UBE2E2: variants seen among roughly 807,000 people sequenced by gnomAD.
UBE2E2 encodes ubiquitin conjugating enzyme E2 E2.
In UBE2E2, 6 loss-of-function variants were observed where a neutral mutation model predicts 24.7. That is an observed-to-expected ratio of 0.24 (90% CI 0.13 to 0.48). The LOEUF is 0.48. UBE2E2 is among the 20% of genes least tolerant of loss of function. The pLI is 0.99. For synonymous variants in UBE2E2, 104 were observed against 83.6 expected (o/e 1.24, Z -1.33); for missense variants, 169 against 245.0 (o/e 0.69, Z 2.07).
chr3:23,516,849 A>C (rs575438182), intron 4 of UBE2E2, among the ~76,000 whole-genome samples: 1 of 152,254 alleles, frequency 6.6e-6, no homozygotes, highest in South Asian at 2.1e-4. Context: ...CCATCCATCT[A>C]ATTGTGGGAC....
intron 3 of UBE2E2, among the ~76,000 whole-genome samples, chr3:23,408,401 A>G (rs1575610486): frequency 6.6e-6 from 1 of 152,198 alleles, no homozygotes. Context: ...AATCTGGATC[A>G]CACTGGGCAT....
intron 3 of UBE2E2, among the ~76,000 whole-genome samples, chr3:23,329,337 G>T (rs944537193): frequency 1.3e-5 from 2 of 152,100 alleles, no homozygotes; most frequent in Admixed American, 1.3e-4. Flanking sequence ...TGCTGTGGGG[G>T]ATAAAATTAT....
At chr3:23,346,785 C>T (rs376159227) in intron 3 of UBE2E2, among the ~76,000 whole-genome samples, 3 of 152,136 alleles carry the variant, frequency 2.0e-5, no homozygotes, top group East Asian at 1.9e-4. Context: ...TGGAAAAACA[C>T]ACTTTGTTGA....
At chr3:23,290,708 A>G (rs147590642) in intron 3 of UBE2E2, among the ~76,000 whole-genome samples, 9 of 152,000 alleles carry the variant, frequency 5.9e-5, no homozygotes, top group African/African-American at 1.7e-4. Context: ...TAATATATTT[A>G]TACTAACTTT....
At chr3:23,576,348 G>A (rs1295456346) in intron 5 of UBE2E2, among the ~76,000 whole-genome samples, 1 of 152,084 alleles carries the variant, frequency 6.6e-6, no homozygotes, top group African/African-American at 2.4e-5. Flanking sequence ...GAGGACAGTG[G>A]ATCATAGCCT....
At chr3:23,249,809 C>T (rs183638402) in intron 3 of UBE2E2, among the ~76,000 whole-genome samples, 1 of 152,088 alleles carries the variant, frequency 6.6e-6, no homozygotes, top group Non-Finnish European at 1.5e-5. Flanking sequence ...GCACCCGCCA[C>T]CACACCTGGC....
At chr3:23,538,327 A>G (rs528522395) in intron 5 of UBE2E2, among the ~76,000 whole-genome samples, 1 of 152,262 alleles carries the variant, frequency 6.6e-6, no homozygotes, top group Non-Finnish European at 1.5e-5. Flanking sequence ...TCTAATCAAT[A>G]CTTCCAAATA....
At chr3:23,378,236 TAAAAAAAAA>T (rs56808350) in intron 3 of UBE2E2, among the ~76,000 whole-genome samples, 18 of 118,056 alleles carry the variant, frequency 1.5e-4, no homozygotes, top group Admixed American at 3.4e-4. Context: ...AAATAAGCAG[TAAAAAAAAA>T]AAAAAAAAAA....
intron 3 of UBE2E2, among the ~76,000 whole-genome samples, chr3:23,364,602 T>C (rs1026674777): frequency 1.3e-5 from 2 of 152,022 alleles, no homozygotes; most frequent in African/African-American, 4.8e-5. Context: ...AACAGACAAA[T>C]AATGAATTAT....
At chr3:23,500,840 A>T (rs958429715) in intron 4 of UBE2E2, among the ~76,000 whole-genome samples, 3 of 152,206 alleles carry the variant, frequency 2.0e-5, no homozygotes, top group Admixed American at 6.5e-5. Context: ...CTTGTCCAGC[A>T]TTATGCATCA....
intron 3 of UBE2E2, among the ~76,000 whole-genome samples, chr3:23,418,824 T>G (rs1005072381): frequency 1.3e-5 from 2 of 152,222 alleles, no homozygotes; most frequent in African/African-American, 4.8e-5. Flanking sequence ...TCAGATTTAG[T>G]GGTATTTAAG....
At chr3:23,483,362 A>G (rs572001205) in intron 3 of UBE2E2, among the ~76,000 whole-genome samples, 1 of 152,196 alleles carries the variant, frequency 6.6e-6, no homozygotes, top group Non-Finnish European at 1.5e-5. Context: ...TAAAGAACCT[A>G]CTCTTTGCCA....
At chr3:23,457,446 A>G (rs1366497416) in intron 3 of UBE2E2, among the ~76,000 whole-genome samples, 1 of 152,188 alleles carries the variant, frequency 6.6e-6, no homozygotes. Flanking sequence ...TTAAATAGCC[A>G]CCTTCATCAG....
chr3:23,381,231 G>C (rs1242041293), intron 3 of UBE2E2, among the ~76,000 whole-genome samples: 4 of 152,126 alleles, frequency 2.6e-5, no homozygotes, highest in Non-Finnish European at 5.9e-5. Flanking sequence ...ATAAAGTTAA[G>C]GTATAGATTA....
chr3:23,305,702 C>G (rs1699219852), intron 3 of UBE2E2, among the ~76,000 whole-genome samples: 1 of 152,054 alleles, frequency 6.6e-6, no homozygotes, highest in Non-Finnish European at 1.5e-5. Context: ...CCTTTTCTTA[C>G]AGTTATTAAA....
At chr3:23,327,616 T>A (rs190307398) in intron 3 of UBE2E2, among the ~76,000 whole-genome samples, 23 of 152,372 alleles carry the variant, frequency 1.5e-4, no homozygotes, top group Admixed American at 1.5e-3. Context: ...CAGTTAGTAT[T>A]AGACTGTCAC....
intron 5 of UBE2E2, among the ~76,000 whole-genome samples, chr3:23,568,668 C>CATAT (rs1559424896): frequency 2.3e-5 from 1 of 44,032 alleles, no homozygotes; most frequent in Non-Finnish European, 4.4e-5. Context: ...TACATATATA[C>CATAT]GCACATATAT....
chr3:23,313,928 G>A (rs1032628304), intron 3 of UBE2E2, among the ~76,000 whole-genome samples: 5 of 152,004 alleles, frequency 3.3e-5, no homozygotes, highest in African/African-American at 1.2e-4. Flanking sequence ...TCTTTGGTAT[G>A]TTTTTAGATT....
chr3:23,310,561 G>T (rs1694347970), intron 3 of UBE2E2, among the ~76,000 whole-genome samples: 1 of 152,162 alleles, frequency 6.6e-6, no homozygotes, highest in African/African-American at 2.4e-5. Flanking sequence ...GGACAAGGCA[G>T]AAGGAAGAAG....
Sources: allele counts gnomAD v4.1 joint callset (sites outside exome capture counted in the v4.1 genomes callset), GRCh38; gene constraint gnomAD v4.1.1; transcripts MANE v1.5; gene names NCBI Gene and HGNC (gene_info 2026-07-23, HGNC 2026-07-21).